Variants in PIAS1 observed in about 807,000 individuals in gnomAD.
The protein encoded by PIAS1 is protein inhibitor of activated STAT 1, also known as E3 SUMO-protein ligase PIAS1.
Under a neutral mutation model 71.3 loss-of-function variants are expected in PIAS1, and 6 were observed. The ratio of observed to expected loss-of-function variants is 0.08; its 90% CI spans 0.05 to 0.17. PIAS1 has a LOEUF of 0.17. Ranked by LOEUF, PIAS1 falls within the 10% of genes least tolerant of loss-of-function variation. The pLI, the probability that PIAS1 is intolerant of heterozygous loss-of-function variation, is 1.00. For synonymous variants in PIAS1, 303 were observed against 292.9 expected (o/e 1.03, Z -0.35); for missense variants, 555 against 793.6 (o/e 0.70, Z 3.61).
chr15:68,058,560 G>A (rs2091922114), intron 1 of PIAS1, among the ~76,000 whole-genome samples: 1 of 152,184 alleles, frequency 6.6e-6, no homozygotes, highest in African/African-American at 2.4e-5. Context: ...CCAGTTCACA[G>A]ATTTCTACTT....
At chr15:68,120,089 C>G (rs971476349) in intron 2 of PIAS1, among the ~76,000 whole-genome samples, 2 of 152,204 alleles carry the variant, frequency 1.3e-5, no homozygotes, top group Non-Finnish European at 2.9e-5. Flanking sequence ...ACTACAGGCC[C>G]ATGCCACCAT....
chr15:68,151,939 ATT>A (rs1201017658), intron 6 of PIAS1, among the ~76,000 whole-genome samples: 3 of 68,192 alleles, frequency 4.4e-5, no homozygotes, highest in South Asian at 7.7e-4. Flanking sequence ...AAATTTAGGA[ATT>A]TTTTTTTTTT....
chr15:68,066,948 A>AT (rs1485161265), intron 1 of PIAS1, among the ~76,000 whole-genome samples: 9 of 152,086 alleles, frequency 5.9e-5, no homozygotes, highest in Admixed American at 5.9e-4. Context: ...TGGTCTGTCC[A>AT]TTTTTTCCCG....
At chr15:68,085,245 G>T (rs1267249940) in intron 1 of PIAS1, among the ~76,000 whole-genome samples, 1 of 152,072 alleles carries the variant, frequency 6.6e-6, no homozygotes, top group East Asian at 1.9e-4. Context: ...CCTGTCAGTG[G>T]TGATGCAATC....
At chr15:68,093,928 GA>G (rs777926101) in intron 2 of PIAS1, among the ~76,000 whole-genome samples, 4 of 151,706 alleles carry the variant, frequency 2.6e-5, no homozygotes, top group Non-Finnish European at 5.9e-5. Flanking sequence ...ATATTGTTTA[GA>G]AAGTGTTTGG....
rs868175432 is a variant in PIAS1, at chr15:68,186,009, G to C, written c.1663-1533G>C. Among the ~76,000 whole-genome samples, 1 of 150,476 alleles carries C rather than the reference G, an allele frequency of 6.6e-6. No individual in the cohort carries two copies. ...AAAAACATGGGCCCTAACAATGAAA[G>C]GTTTTCATTAATAGAGAGGAATGTT... On this transcript the variant is annotated intron_variant, in intron 13 of 13. Coordinates refer to ENST00000249636, the MANE Select transcript of PIAS1 (RefSeq NM_016166.3). The surrounding 1 kb of genome is among the most constrained non-coding windows in gnomAD (Gnocchi z 4.4).
chr15:68,162,123 G>C (rs1262556482), intron 7 of PIAS1, among the ~76,000 whole-genome samples: 1 of 151,966 alleles, frequency 6.6e-6, no homozygotes, highest in East Asian at 2.0e-4. Flanking sequence ...CCATTTACCG[G>C]ATGATGTAAC....
chr15:68,106,766 C>T (rs1336443160), intron 2 of PIAS1, among the ~76,000 whole-genome samples: 3 of 152,204 alleles, frequency 2.0e-5, no homozygotes, highest in Non-Finnish European at 4.4e-5. Context: ...GGGGATTAGG[C>T]TCTAACGTCA....
intron 1 of PIAS1, among the ~76,000 whole-genome samples, chr15:68,083,068 A>G (rs2092243359): frequency 6.6e-6 from 1 of 152,184 alleles, no homozygotes. Context: ...GCAGAATGCT[A>G]CAAAATTGCT....
chr15:68,080,118 C>A (rs1057239472), intron 1 of PIAS1, among the ~76,000 whole-genome samples: 1 of 152,208 alleles, frequency 6.6e-6, no homozygotes, highest in African/African-American at 2.4e-5. Flanking sequence ...AGGCCTGAGC[C>A]ACTGCGCCTG....
chr15:68,055,769 T>C, intron 1 of PIAS1: 1 of 550,194 alleles, frequency 1.8e-6, no homozygotes, highest in East Asian at 2.9e-5. Context: ...TTTAATTTTT[T>C]CCCCGTTATA....
At chr15:68,113,425 A>G (rs2092539000) in intron 2 of PIAS1, among the ~76,000 whole-genome samples, 2 of 152,192 alleles carry the variant, frequency 1.3e-5, no homozygotes, top group Admixed American at 1.3e-4. Context: ...TTTACATTCA[A>G]ACATTGATCA....
chr15:68,066,671 T>C (rs2092031362), intron 1 of PIAS1, among the ~76,000 whole-genome samples: 1 of 152,188 alleles, frequency 6.6e-6, no homozygotes, highest in African/African-American at 2.4e-5. Flanking sequence ...AACTTCAGCC[T>C]CTGTTCCTTA....
chr15:68,147,479 A>G (rs2092816334), intron 6 of PIAS1, among the ~76,000 whole-genome samples: 1 of 152,086 alleles, frequency 6.6e-6, no homozygotes, highest in Non-Finnish European at 1.5e-5. Flanking sequence ...CATGTTACAA[A>G]TATTTGTTTC....
chr15:68,100,902 T>G (rs1375843359), intron 2 of PIAS1, among the ~76,000 whole-genome samples: 19 of 354 alleles, frequency 0.054, no homozygotes, highest in Non-Finnish European at 0.21. Flanking sequence ...TTTGTTTTGT[T>G]TTTTTTTTTT....
In PIAS1 at chr15:68,186,253, A is replaced by G. The variant is rs1308024304; in HGVS notation, c.1663-1289A>G. ...GTGGGACAAGCTGTGCAGATGGAAG[A>G]CAGTGACATCGATGACCCTGACCTC... On this transcript the variant is annotated intron_variant, in intron 13 of 13. Transcript: ENST00000249636. This position sits in a 1 kb window ranked among gnomAD's most constrained non-coding sequence, Gnocchi z 4.4. Among the ~76,000 whole-genome samples the G allele has an allele frequency of 1.3e-5, 2 of 152,196 alleles. No homozygotes were observed. Among genetic ancestry groups the G allele is most frequent in the Non-Finnish European group, 2.9e-5 (2 of 68,030 alleles).
At chr15:68,183,075 T>G (rs1000494856) in intron 12 of PIAS1, among the ~76,000 whole-genome samples, 5 of 152,206 alleles carry the variant, frequency 3.3e-5, no homozygotes, top group African/African-American at 1.2e-4. Context: ...GAACTACTCC[T>G]TCTTATGTAA....
At chr15:68,117,331 C>T (rs1208918437) in intron 2 of PIAS1, among the ~76,000 whole-genome samples, 1 of 152,238 alleles carries the variant, frequency 6.6e-6, no homozygotes, top group Non-Finnish European at 1.5e-5. Flanking sequence ...GGTGATCCAC[C>T]TGCCTTGGCC....
rs1479889360 is a variant in PIAS1 at position 68,141,868 on chromosome 15, T to C, written c.470-78T>C. 8.6e-6 allele frequency: 7 copies of C among 812,880 alleles called. No homozygotes were observed. In the Admixed American group the frequency reaches 1.2e-4, roughly 14 times the overall value. 50.4% of individuals were successfully genotyped at this position (812,880 alleles called of 1,614,324 possible). ...AATATATACCAGTTAATTAAAGACA[T>C]GTGTGTTTTTTTTTTTTGCTTTTGT... On this transcript the variant is annotated intron_variant, in intron 2 of 13. Transcript: ENST00000249636.
Sources: gnomAD v4.1 joint callset for allele counts (sites outside exome capture counted in the v4.1 genomes callset) on GRCh38, gnomAD v4.1.1 for gene constraint, Gnocchi (gnomAD v3.1) non-coding constraint, MANE v1.5 for transcripts, NCBI Gene and HGNC (gene_info 2026-07-23, HGNC 2026-07-21) for gene names.